HSPA4L: variants seen among roughly 807,000 people sequenced by gnomAD.
HSPA4L encodes heat shock protein family A (Hsp70) member 4 like, also known as heat shock 70 kDa protein 4L.
A neutral mutation model predicts 100.3 loss-of-function variants in HSPA4L; 48 were observed. The ratio of observed to expected loss-of-function variants is 0.48; its 90% CI spans 0.38 to 0.61. The LOEUF (loss-of-function observed/expected upper bound fraction) is 0.61. HSPA4L is among the 20% of genes least tolerant of loss of function. HSPA4L has a pLI of 0.00. For synonymous variants in HSPA4L, 319 were observed against 328.2 expected (o/e 0.97, Z 0.30); for missense variants, 886 against 988.6 (o/e 0.90, Z 1.39).
intron 17 of HSPA4L, among the ~76,000 whole-genome samples, chr4:127,827,695 T>C (rs1278457410): frequency 6.6e-6 from 1 of 151,264 alleles, no homozygotes; most frequent in East Asian, 1.9e-4. Context: ...AATCCATTGT[T>C]TTCTTCCTAG....
intron 11 of HSPA4L, chr4:127,809,292 A>G: frequency 3.2e-6 from 4 of 1,261,504 alleles, no homozygotes; most frequent in Non-Finnish European, 4.7e-6. Flanking sequence ...TGGAGCTAGC[A>G]TTGCACTCTC....
At chr4:127,823,845 G>T (rs1035307759) in intron 16 of HSPA4L, among the ~76,000 whole-genome samples, 11 of 151,982 alleles carry the variant, frequency 7.2e-5, no homozygotes, top group African/African-American at 1.7e-4. Context: ...TCTTTCTTTG[G>T]GGGGGAGAAC....
chr4:127,820,409 T>A lies in HSPA4L; in HGVS notation c.1675-19T>A. 1.3e-6 allele frequency: 2 copies of A among 1,564,286 alleles called. No individual in the cohort carries two copies. The highest frequency in any genetic ancestry group is 1.7e-6 in the Non-Finnish European group (2 of 1,161,912). On this transcript the variant is annotated intron_variant, in intron 13 of 18. Transcript: ENST00000296464. Reference sequence around the variant, plus strand: ...TTAAGCTAATTTTAGAAATTTATACTTCTCTTTCGGATTTGCAGTCAGCTG... The same window carrying A: ...TTAAGCTAATTTTAGAAATTTATACATCTCTTTCGGATTTGCAGTCAGCTG...
chr4:127,825,062 C>G (rs919785636), intron 16 of HSPA4L, among the ~76,000 whole-genome samples: 2 of 151,922 alleles, frequency 1.3e-5, no homozygotes, highest in Non-Finnish European at 2.9e-5. Context: ...ATGGCGTGAA[C>G]CCAGGAGGTG....
At position 127,805,074 on chromosome 4, in the gene HSPA4L, C is replaced by T. The variant is rs765625630; in HGVS notation, c.987C>T (p.Asn329=). 1 of 1,585,982 alleles carries T rather than the reference C, an allele frequency of 6.3e-7. No individual in the cohort carries two copies. The highest frequency in any genetic ancestry group is 1.8e-5 in the Admixed American group (1 of 55,774). The change falls in exon 9 of 19, where the codon AAC becomes AAT. Residue 329 remains asparagine (N), a splice_region_variant and synonymous_variant. Transcript: ENST00000296464. The part of the protein sequence containing the change: ...PPLKAVMEQA[N]LQREDISSIE... The stretch of plus-strand genomic sequence containing the variant: ...TTCTCAATTAAAAAAATTTTCCAGA[C>T]TTACAACGTGAAGACATTAGTAGTA...
chr4:127,822,672 A>T, intron 14 of HSPA4L, 97 bp from the exon 15 acceptor site: 1 of 1,137,106 alleles, frequency 8.8e-7, no homozygotes, highest in Non-Finnish European at 1.3e-6. Context: ...TTTGTATTGT[A>T]ATCATCCTAG....
At position 127,832,720 on chromosome 4, in the gene HSPA4L, CCAAACCAAAAGCAGAAGTTCCTGAAGA is replaced by C; in HGVS notation, c.2379_2405del (p.Glu794_Ala802del). The C allele has an allele frequency of 1.9e-6, 3 of 1,611,898 alleles. No homozygotes were observed. Among genetic ancestry groups the C allele is most frequent in the Non-Finnish European group, 2.5e-6 (3 of 1,178,924 alleles). ...TTCTGTAACCCCATCATTTACAAGCCCAAACCAAAAGCAGAAGTTCCTGAAGACAAACCAAAAGCTAATAGTGAACAC... is the reference window on the plus strand; with the variant it reads ...TTCTGTAACCCCATCATTTACAAGCCCAAACCAAAAGCTAATAGTGAACAC... On this transcript the variant is annotated inframe_deletion, in exon 19 of 19. Coordinates refer to ENST00000296464, the MANE Select transcript of HSPA4L (RefSeq NM_014278.4).
rs768596071 is a variant in HSPA4L, at chr4:127,798,568, T to C, written c.307-19T>C. The C allele has an allele frequency of 8.7e-6, 14 of 1,611,776 alleles. No individual in the cohort carries two copies. Among genetic ancestry groups the C allele is most frequent in the African/African-American group, 1.3e-5 (1 of 74,826 alleles). On this transcript the variant is annotated intron_variant, in intron 3 of 18. Coordinates refer to ENST00000296464, the MANE Select transcript of HSPA4L (RefSeq NM_014278.4). ...ATAAACAAATGACTCTTAATAAATATCCCAACTTTTGGTGTTAGGTGCGGT... is the reference window on the plus strand; with the variant it reads ...ATAAACAAATGACTCTTAATAAATACCCCAACTTTTGGTGTTAGGTGCGGT...
intron 6 of HSPA4L, among the ~76,000 whole-genome samples, chr4:127,803,276 C>A (rs371241548): frequency 1.2e-4 from 19 of 152,170 alleles, no homozygotes; most frequent in Middle Eastern, 3.4e-3. Flanking sequence ...ATGCTTAGGA[C>A]TGTTTCTTTG....
intron 15 of HSPA4L, 54 bp downstream of exon 15, chr4:127,822,948 G>C (rs1318825474): frequency 6.6e-7 from 1 of 1,522,602 alleles, no homozygotes; most frequent in Non-Finnish European, 9.0e-7. Flanking sequence ...GTTTACTCGA[G>C]AATGCTAGTA....
Position 127,790,930 on chromosome 4 carries a change from G to T in HSPA4L, c.108-3147G>T, listed in dbSNP as rs184775891. Among the ~76,000 whole-genome samples the T allele has an allele frequency of 9.3e-3, 1,413 of 152,160 alleles. 7 individuals are homozygous for T. Among genetic ancestry groups the T allele is most frequent in the Non-Finnish European group, 0.016 (1,064 of 68,002 alleles). On this transcript the variant is annotated intron_variant, in intron 1 of 18. Coordinates refer to ENST00000296464, the MANE Select transcript of HSPA4L (RefSeq NM_014278.4). ...ACTTGAGCCTAGGAGACTAGCCTGG[G>T]CAACATGGTGAAACCCTATCTCTAC...
In HSPA4L at chr4:127,832,789, G is replaced by A. The variant is rs771125522; in HGVS notation, c.2435G>A (p.Gly812Glu). 6.2e-7 allele frequency: 1 copy of A among 1,613,726 alleles called. No homozygotes were observed. Among genetic ancestry groups the A allele is most frequent in the Admixed American group, 1.7e-5 (1 of 59,978 alleles). The change falls in exon 19 of 19, where the codon GGA becomes GAA. Residue 812 changes from glycine to glutamate, a missense_variant. Transcript: ENST00000296464. The part of the protein sequence containing the change: ...ANSEHNGPMD[G>E]QSGTETKSDS... ...AGTGAACACAATGGCCCAATGGATGGACAGAGTGGAACTGAAACTAAATCA... is the reference window on the plus strand; with the variant it reads ...AGTGAACACAATGGCCCAATGGATGAACAGAGTGGAACTGAAACTAAATCA...
Position 127,803,684 on chromosome 4 carries a change from T to C in HSPA4L, c.719T>C (p.Leu240Ser), listed in dbSNP as rs745401153. The C allele has an allele frequency of 4.3e-6, 7 of 1,613,702 alleles. No individual in the cohort carries two copies. In the South Asian group the frequency reaches 7.7e-5, roughly 18 times the overall value. Residue 240 changes from leucine (L) to serine (S), a missense_variant, in exon 7 of 19, where the codon TTA becomes TCA. Leu to Ser is a moderately radical substitution (Grantham distance 145). Transcript: ENST00000296464. ...YLGGRNFDEA[L>S]VDYFCDEFKT... ...GGTGGCAGGAACTTTGATGAGGCTT[T>C]AGTAGACTACTTCTGTGATGAGTTC...
At chr4:127,795,208 C>CAT (rs1374834976) in intron 2 of HSPA4L, among the ~76,000 whole-genome samples, 1 of 152,046 alleles carries the variant, frequency 6.6e-6, no homozygotes, top group African/African-American at 2.4e-5. Flanking sequence ...ATACAGGCTG[C>CAT]ATATCCCTTA....
intron 12 of HSPA4L, 133 bp from the exon 13 acceptor site, chr4:127,818,191 GA>G: frequency 2.0e-6 from 1 of 510,556 alleles, no homozygotes; most frequent in South Asian, 4.1e-5. Flanking sequence ...ATTCTCATTT[GA>G]AAAATGAGCT....
chr4:127,805,178 C>T lies in HSPA4L; in HGVS notation c.1091C>T (p.Thr364Ile), dbSNP rs747092142. The T allele has an allele frequency of 6.2e-7, 1 of 1,611,568 alleles. No individual in the cohort carries two copies. The highest frequency in any genetic ancestry group is 1.1e-5 in the South Asian group (1 of 90,830). ...ITKFFLKDIS[T>I]TLNADEAVAR... ...AAATTCTTTCTTAAAGACATAAGTA[C>T]CACATTAAATGCTGATGAAGCTGTT... The change falls in exon 9 of 19, where the codon ACC (threonine) becomes ATC (isoleucine). Residue 364 changes from threonine (T) to isoleucine (I), a missense_variant. Coordinates refer to ENST00000296464, the MANE Select transcript of HSPA4L (RefSeq NM_014278.4).
chr4:127,809,812 GA>G (rs1380862444), intron 11 of HSPA4L, among the ~76,000 whole-genome samples: 1 of 152,098 alleles, frequency 6.6e-6, no homozygotes. Context: ...AGATTTCCAA[GA>G]ATCATTTATA....
At chr4:127,792,754 A>G (rs1055390376) in intron 1 of HSPA4L, among the ~76,000 whole-genome samples, 2 of 152,166 alleles carry the variant, frequency 1.3e-5, no homozygotes, top group Non-Finnish European at 2.9e-5. Context: ...AAATTGGGTT[A>G]ACAGTGTGAG....
chr4:127,802,872 C>T (rs1442851378), intron 6 of HSPA4L, among the ~76,000 whole-genome samples: 1 of 152,168 alleles, frequency 6.6e-6, no homozygotes, highest in East Asian at 1.9e-4. Context: ...TATTTACCAC[C>T]ATACTACCAC....
Sources: gnomAD v4.1 joint callset for allele counts (sites outside exome capture counted in the v4.1 genomes callset) on GRCh38, gnomAD v4.1.1 for gene constraint, MANE v1.5 for transcripts, NCBI Gene and HGNC (gene_info 2026-07-23, HGNC 2026-07-21) for gene names.